The following KCNB2 variants were observed in gnomAD, a reference collection of about 807,000 sequenced individuals.
KCNB2 encodes delayed rectifier potassium channel protein.
In KCNB2, 15 loss-of-function variants were observed where a neutral mutation model predicts 61.5. That is an observed-to-expected ratio of 0.24 (90% CI 0.16 to 0.38). The LOEUF is 0.38. KCNB2 is among the 10% of genes least tolerant of loss of function. The pLI, the probability that KCNB2 is intolerant of heterozygous loss-of-function variation, is 1.00. For synonymous variants in KCNB2, 457 were observed against 446.0 expected, an observed-to-expected ratio of 1.02 and a Z score of -0.31; for missense variants, 828 against 1,125.2, an observed-to-expected ratio of 0.74 and a Z score of 3.78.
At chr8:72,593,693 G>A (rs1013211279) in intron 2 of KCNB2, among the ~76,000 whole-genome samples, 8 of 152,180 alleles carry the variant, frequency 5.3e-5, no homozygotes, top group African/African-American at 1.7e-4. Flanking sequence ...GGGGCTGAGT[G>A]AATTTCCAAT....
rs570961261 is a variant in KCNB2 at position 72,700,958 on chromosome 8, C to G, written c.579+132645C>G. 3.9e-5 allele frequency among the ~76,000 whole-genome samples: 6 copies of G among 152,272 alleles called. No individual in the cohort carries two copies. In the South Asian group the frequency reaches 1.2e-3, roughly 32 times the overall value. ...ACATATAGGTAGCTGGAGGCCATTACTCTAAGCAAATTAACCCAGGAACAA... is the reference window on the plus strand; with the variant it reads ...ACATATAGGTAGCTGGAGGCCATTAGTCTAAGCAAATTAACCCAGGAACAA... On this transcript the variant is annotated intron_variant, in intron 2 of 2. Coordinates refer to ENST00000523207, the MANE Select transcript of KCNB2 (RefSeq NM_004770.3).
chr8:72,558,713 C>T (rs1038538867), intron 1 of KCNB2, among the ~76,000 whole-genome samples: 29 of 152,090 alleles, frequency 1.9e-4, no homozygotes, highest in African/African-American at 6.8e-4. Flanking sequence ...CCCTGCCCTC[C>T]AGGAACTTAG....
At chr8:72,891,551 G>C (rs1585956400) in intron 2 of KCNB2, among the ~76,000 whole-genome samples, 8 of 152,344 alleles carry the variant, frequency 5.3e-5, no homozygotes, top group Admixed American at 5.2e-4. Flanking sequence ...GTAGTATCAA[G>C]AAAGCCAACA....
chr8:72,660,582 A>T (rs903231104), intron 2 of KCNB2: 5 of 152,294 alleles, frequency 3.3e-5, no homozygotes, highest in Admixed American at 2.0e-4. Flanking sequence ...GTCTGATTTA[A>T]TCTCTCTTTT....
rs111714214 is a variant in KCNB2 at position 72,656,628 on chromosome 8, A to T, written c.579+88315A>T. On this transcript the variant is annotated intron_variant, in intron 2 of 2. Transcript: ENST00000523207. ...ATATAGTCAAGTTACGATTATAATG[A>T]GAATCTTAGGTTTTCACAATTTGGT... is the stretch of plus-strand genomic sequence containing the variant. Among the ~76,000 whole-genome samples, 432 of 152,280 alleles carry T rather than the reference A, an allele frequency of 2.8e-3. 2 individuals carry two copies. The highest frequency in any genetic ancestry group is 0.01 in the African/African-American group (424 of 41,560).
intron 2 of KCNB2, among the ~76,000 whole-genome samples, chr8:72,887,588 C>T (rs1805827550): frequency 6.6e-6 from 1 of 152,184 alleles, no homozygotes; most frequent in Non-Finnish European, 1.5e-5. Context: ...TTATCCTGGC[C>T]CCCTACACAC....
intron 2 of KCNB2, among the ~76,000 whole-genome samples, chr8:72,838,601 A>T (rs1190321128): frequency 6.6e-6 from 1 of 152,194 alleles, no homozygotes; most frequent in Non-Finnish European, 1.5e-5. Flanking sequence ...TAGCAGCATG[A>T]TTTATAATCC....
intron 2 of KCNB2, among the ~76,000 whole-genome samples, chr8:72,847,391 C>T (rs1810014127): frequency 2.0e-5 from 3 of 152,204 alleles, no homozygotes; most frequent in Non-Finnish European, 4.4e-5. Context: ...AGAAGGCCAA[C>T]CTTGCAGGCT....
At chr8:72,865,758 A>C (rs897992238) in intron 2 of KCNB2, among the ~76,000 whole-genome samples, 9 of 152,106 alleles carry the variant, frequency 5.9e-5, no homozygotes, top group African/African-American at 1.9e-4. Context: ...CCTCTTACTT[A>C]TCCTTCTGGT....
In KCNB2 at chr8:72,692,235, CAA is replaced by C. The variant is rs34131843; in HGVS notation, c.579+123944_579+123945del. Among the ~76,000 whole-genome samples the C allele has an allele frequency of 7.8e-3, 607 of 77,728 alleles. 3 individuals are homozygous for C. The highest frequency in any genetic ancestry group is 0.014 in the Middle Eastern group (2 of 142). 51.0% of individuals were successfully genotyped at this position (77,728 alleles called of 152,430 possible). A position where few individuals can be genotyped will look rare whatever the true frequency, so the allele number is the denominator to read the frequency against. ...TGGGTGACAGAGCGAGACTCTGTCT[CAA>C]AAAAAAAAAAAAAAAAAAAAATTGG... On this transcript the variant is annotated intron_variant, in intron 2 of 2. Transcript: ENST00000523207.
At chr8:72,613,707 T>C (rs2128983602) in intron 2 of KCNB2, among the ~76,000 whole-genome samples, 1 of 152,288 alleles carries the variant, frequency 6.6e-6, no homozygotes, top group East Asian at 1.9e-4. Context: ...ACGCCTCCAT[T>C]GTAGTCCCAT....
At chr8:72,563,498 T>G (rs946341797) in intron 1 of KCNB2, among the ~76,000 whole-genome samples, 1 of 152,150 alleles carries the variant, frequency 6.6e-6, no homozygotes, top group East Asian at 1.9e-4. Flanking sequence ...GAAAACTTAA[T>G]GAAGTATGTA....
intron 2 of KCNB2, among the ~76,000 whole-genome samples, chr8:72,655,251 C>T (rs931350087): frequency 1.3e-5 from 2 of 151,848 alleles, no homozygotes; most frequent in African/African-American, 4.8e-5. Context: ...ACATTGAGAA[C>T]ATATGGACAC....
intron 2 of KCNB2, among the ~76,000 whole-genome samples, chr8:72,657,205 T>A (rs1458138554): frequency 6.6e-6 from 1 of 152,108 alleles, no homozygotes; most frequent in African/African-American, 2.4e-5. Context: ...GGAATAGTGG[T>A]CAATTATACA....
At chr8:72,569,514 C>T (rs1806678242) in intron 2 of KCNB2, among the ~76,000 whole-genome samples, 1 of 151,954 alleles carries the variant, frequency 6.6e-6, no homozygotes, top group Non-Finnish European at 1.5e-5. Flanking sequence ...AGGACATGCA[C>T]CTAAGTGAAA....
chr8:72,572,428 G>A (rs1400486475), intron 2 of KCNB2, among the ~76,000 whole-genome samples: 2 of 152,090 alleles, frequency 1.3e-5, no homozygotes, highest in Non-Finnish European at 2.9e-5. Context: ...AGCTTTTTCA[G>A]GAAAGCATAC....
In KCNB2 at chr8:72,937,285, C is replaced by G; in HGVS notation, c.1930C>G (p.Gln644Glu). Residue 644 changes from glutamine to glutamate, a missense_variant, in exon 3 of 3, where the codon CAA (glutamine) becomes GAA (glutamate). Coordinates refer to ENST00000523207, the MANE Select transcript of KCNB2 (RefSeq NM_004770.3). The stretch of plus-strand genomic sequence containing the variant: ...CGACCTCCCAGGGACAGAAGAGCAC[C>G]AAAGAGCTAGGGGCCCCCCGTTTCT... ...PTDLPGTEEH[Q>E]RARGPPFLTL... is the part of the protein sequence containing the mutation. The G allele has an allele frequency of 6.2e-7, 1 of 1,613,902 alleles. No homozygotes were observed. The highest frequency in any genetic ancestry group is 2.2e-5 in the East Asian group (1 of 44,842).
At chr8:72,671,231 A>G (rs1438581210) in intron 2 of KCNB2, among the ~76,000 whole-genome samples, 3 of 152,236 alleles carry the variant, frequency 2.0e-5, no homozygotes, top group African/African-American at 4.8e-5. Flanking sequence ...TGCACATTCC[A>G]TATTTGTTGG....
rs538176340 is a variant in KCNB2 at position 72,633,975 on chromosome 8, A to C, written c.579+65662A>C. Reference sequence around the variant, plus strand: ...TCCGAAAGGCAAGAGCCAAGGAGTCAGACTGGAACACCTTGCCACTCTGAA... The same window carrying C: ...TCCGAAAGGCAAGAGCCAAGGAGTCCGACTGGAACACCTTGCCACTCTGAA... On this transcript the variant is annotated intron_variant, in intron 2 of 2. Coordinates refer to ENST00000523207, the MANE Select transcript of KCNB2 (RefSeq NM_004770.3). 2.8e-4 allele frequency among the ~76,000 whole-genome samples: 35 copies of C among 126,840 alleles called. 1 individual carries two copies. In the South Asian group the frequency reaches 8.0e-3, roughly 29 times the overall value. The allele number at this position is 126,840 out of a possible 152,430, so 83.2% of individuals were successfully genotyped here.
Sources: allele counts gnomAD v4.1 joint callset (sites outside exome capture counted in the v4.1 genomes callset), GRCh38; gene constraint gnomAD v4.1.1; transcripts MANE v1.5; gene names NCBI Gene and HGNC (gene_info 2026-07-23, HGNC 2026-07-21).